The following KANK4 variants were observed in gnomAD, a reference collection of about 807,000 sequenced individuals.
KANK4 encodes KN motif and ankyrin repeat domain-containing protein 4.
In KANK4, 50 loss-of-function variants were observed where a neutral mutation model predicts 80.8. That is an observed-to-expected ratio of 0.62 (90% CI 0.49 to 0.78). KANK4 has a LOEUF of 0.78. KANK4 is among the 30% of genes least tolerant of loss of function. The probability of loss-of-function intolerance (pLI) is 0.00; values close to 1 mark genes in which losing one functional copy is unlikely to be tolerated. For synonymous variants in KANK4, 465 were observed against 506.9 expected, an observed-to-expected ratio of 0.92 and a Z score of 1.11; for missense variants, 1,196 against 1,240.1, an observed-to-expected ratio of 0.96 and a Z score of 0.53.
chr1:62,285,730 A>G (rs1184549229), intron 1 of KANK4, among the ~76,000 whole-genome samples: 4 of 152,060 alleles, frequency 2.6e-5, no homozygotes, highest in African/African-American at 9.7e-5. Flanking sequence ...TCACCAAACA[A>G]CAACCCTGCC....
intron 1 of KANK4, among the ~76,000 whole-genome samples, chr1:62,310,418 G>C (rs1644488989): frequency 6.6e-6 from 1 of 152,162 alleles, no homozygotes; most frequent in African/African-American, 2.4e-5. Flanking sequence ...AAAGCAGCAG[G>C]GGCCAAAGAA....
intron 1 of KANK4, among the ~76,000 whole-genome samples, chr1:62,316,007 C>G (rs1393282706): frequency 6.6e-6 from 1 of 152,228 alleles, no homozygotes; most frequent in Non-Finnish European, 1.5e-5. Context: ...ATGAAAATCC[C>G]AATCTGCTAA....
intron 1 of KANK4, among the ~76,000 whole-genome samples, chr1:62,284,166 A>G (rs1245935179): frequency 2.0e-5 from 3 of 152,142 alleles, no homozygotes; most frequent in African/African-American, 7.2e-5. Flanking sequence ...AGCAACAGAC[A>G]TCGTGGAGCT....
chr1:62,317,358 C>T (rs560705265), intron 1 of KANK4, among the ~76,000 whole-genome samples: 2 of 152,310 alleles, frequency 1.3e-5, no homozygotes, highest in South Asian at 2.1e-4. Context: ...CTTGGCACCA[C>T]GAGCAGGCAT....
chr1:62,268,415 G>A lies in KANK4; in HGVS notation c.2103C>T (p.Gly701=). Residue 701 remains glycine (G), a synonymous_variant, in exon 5 of 10, where the codon GGC becomes GGT. Transcript: ENST00000371153. ...CATCTTTGACATGCTTGTGATCTGG[G>A]CCGTCACACTTCTTCTCTGCCTCGC... The part of the protein sequence containing the change: ...SDSEAEKKCD[G]PDHKHVKDAH... The A allele has an allele frequency of 1.2e-6, 2 of 1,613,934 alleles. No homozygotes were observed. The highest frequency in any genetic ancestry group is 1.7e-6 in the Non-Finnish European group (2 of 1,180,006).
intron 2 of KANK4, among the ~76,000 whole-genome samples, chr1:62,275,796 C>A (rs1471762760): frequency 1.5e-5 from 2 of 132,900 alleles, no homozygotes; most frequent in African/African-American, 5.6e-5. Context: ...GAAATACCTA[C>A]TTTGGCCAGT....
At chr1:62,317,004 T>A (rs1012204571) in intron 1 of KANK4, among the ~76,000 whole-genome samples, 2 of 152,176 alleles carry the variant, frequency 1.3e-5, no homozygotes, top group African/African-American at 4.8e-5. Flanking sequence ...ATTCACTGGG[T>A]GGGCAAGAAT....
At chr1:62,308,341 G>T (rs1644470162) in intron 1 of KANK4, among the ~76,000 whole-genome samples, 1 of 152,116 alleles carries the variant, frequency 6.6e-6, no homozygotes, top group Admixed American at 6.5e-5. Flanking sequence ...CGGCTGCCTG[G>T]CCAGATAATG....
At chr1:62,303,369 G>T (rs904480416) in intron 1 of KANK4, among the ~76,000 whole-genome samples, 3 of 151,946 alleles carry the variant, frequency 2.0e-5, no homozygotes, top group Non-Finnish European at 4.4e-5. Flanking sequence ...AATGGGGAGG[G>T]GCGGTATTTT....
chr1:62,266,348 A>G (rs546282131), intron 6 of KANK4, among the ~76,000 whole-genome samples: 1 of 151,184 alleles, frequency 6.6e-6, no homozygotes, highest in South Asian at 2.1e-4. Context: ...CACTCACACC[A>G]CTGCACACAC....
rs559401911 is a variant in KANK4, at chr1:62,297,043, C to T, written c.-70-15409G>A. Reference sequence around the variant, plus strand: ...ACCAGCCTGGCCAACATGGTGAAACCGCGTCTCTACTAAAAATACAAAAAT... The same window carrying T: ...ACCAGCCTGGCCAACATGGTGAAACTGCGTCTCTACTAAAAATACAAAAAT... On this transcript the variant is annotated intron_variant, in intron 1 of 9. Transcript: ENST00000371153. Among the ~76,000 whole-genome samples, 6 of 151,892 alleles carry T rather than the reference C, an allele frequency of 4.0e-5. No homozygotes were observed. In the South Asian group the frequency reaches 6.3e-4, roughly 16 times the overall value.
At chr1:62,275,637 A>C (rs6663943) in intron 2 of KANK4, among the ~76,000 whole-genome samples, 49,388 of 152,098 alleles carry the variant, frequency 0.32, 8,768 homozygotes, top group East Asian at 0.72. Context: ...TACATTATTT[A>C]AGCTTGTGCA....
rs1671248607 is a variant in KANK4 at position 62,238,151 on chromosome 1, A to T, written c.*126T>A. On this transcript the variant is annotated 3_prime_UTR_variant, in exon 10 of 10. Coordinates refer to ENST00000371153, the MANE Select transcript of KANK4 (RefSeq NM_181712.5). ...AATTATACAACAGGAATGTATGTGC[A>T]TATTTGACATAGTTTCTTCTCTAGA... 2 of 629,880 alleles carry T rather than the reference A, an allele frequency of 3.2e-6. No homozygotes were observed. The highest frequency in any genetic ancestry group is 1.8e-5 in the African/African-American group (1 of 54,402). 39.0% of individuals were successfully genotyped at this position (629,880 alleles called of 1,614,324 possible).
intron 1 of KANK4, among the ~76,000 whole-genome samples, chr1:62,312,693 C>T (rs1644507174): frequency 6.6e-6 from 1 of 152,226 alleles, no homozygotes; most frequent in Non-Finnish European, 1.5e-5. Flanking sequence ...TGGCACCTGC[C>T]AAGACAGAGA....
intron 7 of KANK4, among the ~76,000 whole-genome samples, chr1:62,256,676 C>T (rs1007542859): frequency 6.6e-6 from 1 of 152,202 alleles, no homozygotes; most frequent in Non-Finnish European, 1.5e-5. Flanking sequence ...AGCCGTCGCG[C>T]CTGGCTACCC....
Position 62,294,523 on chromosome 1 carries a change from C to T in KANK4, c.-70-12889G>A, listed in dbSNP as rs910423031. On this transcript the variant is annotated intron_variant, in intron 1 of 9. Coordinates refer to ENST00000371153, the MANE Select transcript of KANK4 (RefSeq NM_181712.5). ...GCAGGTGCAGACAGTTTAGAGCTTG[C>T]GTGGGCTGTTGCATCTGCCTTCTGG... 1.2e-4 allele frequency among the ~76,000 whole-genome samples: 19 copies of T among 152,328 alleles called. No homozygotes were observed. In the East Asian group the frequency reaches 3.1e-3, roughly 25 times the overall value.
chr1:62,244,723 G>A (rs1671425663), intron 9 of KANK4, among the ~76,000 whole-genome samples: 1 of 152,116 alleles, frequency 6.6e-6, no homozygotes, highest in South Asian at 2.1e-4. Context: ...TTTATCAGCA[G>A]TGTGAAAACA....
intron 7 of KANK4, among the ~76,000 whole-genome samples, chr1:62,259,543 C>T (rs1671829130): frequency 6.6e-6 from 1 of 152,014 alleles, no homozygotes; most frequent in Non-Finnish European, 1.5e-5. Context: ...TCCCAAAGTG[C>T]CAGGATTATA....
intron 9 of KANK4, among the ~76,000 whole-genome samples, chr1:62,239,334 A>C (rs1436098371): frequency 6.6e-6 from 1 of 152,208 alleles, no homozygotes; most frequent in African/African-American, 2.4e-5. Flanking sequence ...AGCCATTATA[A>C]TGCATGATTT....
Sources: allele counts gnomAD v4.1 joint callset (sites outside exome capture counted in the v4.1 genomes callset), GRCh38; gene constraint gnomAD v4.1.1; transcripts MANE v1.5; gene names NCBI Gene and HGNC (gene_info 2026-07-23, HGNC 2026-07-21).